PIEZO2: variants seen among roughly 807,000 people sequenced by gnomAD.
PIEZO2 encodes the protein piezo type mechanosensitive ion channel component 2.
PIEZO2 carries 172 observed loss-of-function variants against 337.3 expected under a neutral mutation model. That is an observed-to-expected ratio of 0.51 (90% CI 0.45 to 0.58). PIEZO2 has a LOEUF of 0.58. PIEZO2 is among the 20% of genes least tolerant of loss of function. The pLI is 0.00. For missense variants in PIEZO2, 3,028 were observed against 3,391.3 expected, an observed-to-expected ratio of 0.89 and a Z score of 2.66; for synonymous variants, 1,251 against 1,228.5, an observed-to-expected ratio of 1.02 and a Z score of -0.38.
intron 1 of PIEZO2, among the ~76,000 whole-genome samples, chr18:11,137,329 C>T (rs1290007058): frequency 2.0e-5 from 3 of 151,972 alleles, no homozygotes; most frequent in Non-Finnish European, 2.9e-5. Flanking sequence ...GAGGCCAGAG[C>T]GATTTAGATA....
chr18:11,033,997 T>A lies in PIEZO2; in HGVS notation c.160+32130A>T, dbSNP rs576479282. On this transcript the variant is annotated intron_variant, in intron 2 of 55. Transcript: ENST00000674853. This position sits in a 1 kb window ranked among gnomAD's most constrained non-coding sequence, Gnocchi z 4.2. ...TGAAGGGGAAAAAAACCCTCAGATT[T>A]AAAAAAAAATTCGACAGTCTTTAAA... Among the ~76,000 whole-genome samples the A allele has an allele frequency of 2.0e-5, 3 of 151,768 alleles. No individual in the cohort carries two copies. The highest frequency in any genetic ancestry group is 1.9e-4 in the East Asian group (1 of 5,156).
rs1254491078 is a variant in PIEZO2 at position 10,726,251 on chromosome 18, G to A, written c.5029+5156C>T. On this transcript the variant is annotated intron_variant, in intron 36 of 55. Transcript: ENST00000674853. This position sits in a 1 kb window ranked among gnomAD's most constrained non-coding sequence, Gnocchi z 5.9. ...CCTGGGGCTGGAAGAGCTTGTGTGC[G>A]AGCCTGTGTTCGGGAGCATGAGAAT... 7 of 762,112 alleles carry A rather than the reference G, an allele frequency of 9.2e-6. No individual in the cohort carries two copies. Among genetic ancestry groups the A allele is most frequent in the Non-Finnish European group, 1.6e-5 (7 of 443,782 alleles). 47.2% of individuals were successfully genotyped at this position (762,112 alleles called of 1,614,324 possible). A position where few individuals can be genotyped will look rare whatever the true frequency, so the allele number is the denominator to read the frequency against.
At chr18:11,123,214 A>G (rs1315167482) in intron 1 of PIEZO2, among the ~76,000 whole-genome samples, 1 of 152,196 alleles carries the variant, frequency 6.6e-6, no homozygotes, top group Non-Finnish European at 1.5e-5. Context: ...ACTAAATGGA[A>G]TATTAGTCTT....
intron 47 of PIEZO2, among the ~76,000 whole-genome samples, chr18:10,695,700 C>T (rs902485258): frequency 3.9e-5 from 6 of 152,068 alleles, no homozygotes; most frequent in Non-Finnish European, 5.9e-5. Context: ...TAGTCTGTGC[C>T]TTCTCTCCCT....
chr18:10,835,742 C>G (rs926430316), intron 7 of PIEZO2, among the ~76,000 whole-genome samples: 1 of 152,190 alleles, frequency 6.6e-6, no homozygotes, highest in Non-Finnish European at 1.5e-5. Context: ...TGGGATTTCG[C>G]CATGTTGGCC....
rs1403426668 is a variant in PIEZO2, at chr18:10,746,972, A to T, written c.4424+1499T>A. 6.6e-6 allele frequency among the ~76,000 whole-genome samples: 1 copy of T among 152,138 alleles called. No homozygotes were observed. The highest frequency in any genetic ancestry group is 2.4e-5 in the African/African-American group (1 of 41,426). On this transcript the variant is annotated intron_variant, in intron 30 of 55. Coordinates refer to ENST00000674853, the MANE Select transcript of PIEZO2 (RefSeq NM_001378183.1). This position sits in a 1 kb window ranked among gnomAD's most constrained non-coding sequence, Gnocchi z 4.2. ...CTTGCTCATGTGCCACTTTCCTGCT[A>T]CTCTGTGAGCTCTGTGAGGGCAGAG...
chr18:10,752,862 G>C lies in PIEZO2; in HGVS notation c.3941C>G (p.Ser1314Cys). ...FIHCRSYLDM[S>C]KVIIFSYLFW... Reference sequence around the variant, plus strand: ...GAGGTAGCTGAAGATGATCACTTTGGACATGTCTAAGTAAGATCTGGAAAA... The same window carrying C: ...GAGGTAGCTGAAGATGATCACTTTGCACATGTCTAAGTAAGATCTGGAAAA... The change falls in exon 28 of 56, where the codon TCC (serine) becomes TGC (cysteine). Residue 1314 changes from serine (S) to cysteine (C), a missense_variant. Ser to Cys is a moderately radical substitution (Grantham distance 112). Coordinates refer to ENST00000674853, the MANE Select transcript of PIEZO2 (RefSeq NM_001378183.1). The C allele has an allele frequency of 6.5e-7, 1 of 1,536,490 alleles. No individual in the cohort carries two copies. The highest frequency in any genetic ancestry group is 8.7e-7 in the Non-Finnish European group (1 of 1,146,528).
intron 5 of PIEZO2, among the ~76,000 whole-genome samples, chr18:10,867,768 ACT>A (rs1226576264): frequency 1.3e-5 from 2 of 152,168 alleles, no homozygotes; most frequent in Admixed American, 6.5e-5. Flanking sequence ...TATGTAAATA[ACT>A]CTTTTCTACT....
In PIEZO2 at chr18:10,842,276, T is replaced by G. The variant is rs540086120; in HGVS notation, c.917+13077A>C. 2.0e-5 allele frequency among the ~76,000 whole-genome samples: 3 copies of G among 152,320 alleles called. No homozygotes were observed. In the East Asian group the frequency reaches 5.8e-4, roughly 29 times the overall value. On this transcript the variant is annotated intron_variant, in intron 7 of 55. Coordinates refer to ENST00000674853, the MANE Select transcript of PIEZO2 (RefSeq NM_001378183.1). Reference sequence around the variant, plus strand: ...CCTAATATACATGAATGTACATTTATCTGCTATAGTTTGGATGTTTGTCCC... The same window carrying G: ...CCTAATATACATGAATGTACATTTAGCTGCTATAGTTTGGATGTTTGTCCC...
intron 5 of PIEZO2, among the ~76,000 whole-genome samples, chr18:10,865,374 T>C (rs769007769): frequency 2.6e-5 from 4 of 152,170 alleles, no homozygotes; most frequent in South Asian, 2.1e-4. Context: ...GGGAGATCCA[T>C]TTAGAACATA....
At chr18:11,042,771 T>C (rs1292629610) in intron 2 of PIEZO2, among the ~76,000 whole-genome samples, 1 of 152,198 alleles carries the variant, frequency 6.6e-6, no homozygotes, top group African/African-American at 2.4e-5. Flanking sequence ...GGAAAAGAAA[T>C]GCCAGAAATA....
chr18:11,140,118 T>C (rs1161218180), intron 1 of PIEZO2, among the ~76,000 whole-genome samples: 1 of 152,194 alleles, frequency 6.6e-6, no homozygotes, highest in Non-Finnish European at 1.5e-5. Flanking sequence ...ATCTCTGACC[T>C]GCAGAGAAGA....
At position 10,677,639 on chromosome 18, in the gene PIEZO2, A is replaced by G; in HGVS notation, c.8081+108T>C. 3 of 1,322,754 alleles carry G rather than the reference A, an allele frequency of 2.3e-6. No homozygotes were observed. The highest frequency in any genetic ancestry group is 3.1e-6 in the Non-Finnish European group (3 of 954,108). 81.9% of individuals were successfully genotyped at this position (1,322,754 alleles called of 1,614,324 possible). A position where few individuals can be genotyped will look rare whatever the true frequency, so the allele number is the denominator to read the frequency against. ...TCCAAATAGAAATTAACTTTGTGTT[A>G]CCAAAGAATGAAGTTGCATTCCTCA... On this transcript the variant is annotated intron_variant, in intron 53 of 55. Coordinates refer to ENST00000674853, the MANE Select transcript of PIEZO2 (RefSeq NM_001378183.1). This position sits in a 1 kb window ranked among gnomAD's most constrained non-coding sequence, Gnocchi z 4.1.
At chr18:10,938,109 T>A (rs78311913) in intron 3 of PIEZO2, among the ~76,000 whole-genome samples, 1,561 of 152,266 alleles carry the variant, frequency 0.01, 31 homozygotes, top group African/African-American at 0.035. Context: ...TCCACTCTAA[T>A]TCATCAAAAT....
At position 10,716,208 on chromosome 18, in the gene PIEZO2, C is replaced by T. The variant is rs1012994542; in HGVS notation, c.5090-392G>A. Among the ~76,000 whole-genome samples, 2 of 152,182 alleles carry T rather than the reference C, an allele frequency of 1.3e-5. No homozygotes were observed. Among genetic ancestry groups the T allele is most frequent in the African/African-American group, 4.8e-5 (2 of 41,442 alleles). On this transcript the variant is annotated intron_variant, in intron 37 of 55. Coordinates refer to ENST00000674853, the MANE Select transcript of PIEZO2 (RefSeq NM_001378183.1). The surrounding 1 kb of genome is among the most constrained non-coding windows in gnomAD (Gnocchi z 4.1). ...CCCTTCCACCTTCTCTCCTCCACCTCTGCTGCCTCTGCCACCCCTAATACA... is the reference window on the plus strand; with the variant it reads ...CCCTTCCACCTTCTCTCCTCCACCTTTGCTGCCTCTGCCACCCCTAATACA...
chr18:10,809,258 C>CTTTT (rs2040101198), intron 7 of PIEZO2, among the ~76,000 whole-genome samples: 1 of 86,072 alleles, frequency 1.2e-5, no homozygotes, highest in Non-Finnish European at 2.5e-5. Flanking sequence ...CTCTCTCTCT[C>CTTTT]TCTTTTTTTT....
intron 2 of PIEZO2, among the ~76,000 whole-genome samples, chr18:11,030,344 G>A (rs1289042602): frequency 2.6e-5 from 4 of 152,180 alleles, no homozygotes; most frequent in Admixed American, 6.5e-5. Flanking sequence ...ATCAAGAAAA[G>A]AGAGTATTGC....
chr18:10,842,987 A>G (rs1434966870), intron 7 of PIEZO2, among the ~76,000 whole-genome samples: 1 of 152,236 alleles, frequency 6.6e-6, no homozygotes, highest in Non-Finnish European at 1.5e-5. Context: ...AGTCATGGCT[A>G]CTTGGAGCTA....
intron 3 of PIEZO2, among the ~76,000 whole-genome samples, chr18:10,917,004 T>C (rs138823298): frequency 3.2e-4 from 48 of 152,228 alleles, no homozygotes; most frequent in African/African-American, 1.2e-3. Context: ...CCTATAGAAG[T>C]TCTCTGTCAT....
Sources: gnomAD v4.1 joint callset for allele counts (sites outside exome capture counted in the v4.1 genomes callset) on GRCh38, gnomAD v4.1.1 for gene constraint, Gnocchi (gnomAD v3.1) non-coding constraint, MANE v1.5 for transcripts, NCBI Gene and HGNC (gene_info 2026-07-23, HGNC 2026-07-21) for gene names.